BRWD1: variants seen among roughly 807,000 people sequenced by gnomAD.
BRWD1 encodes bromodomain and WD repeat-containing protein 1.
BRWD1 carries 82 observed loss-of-function variants against 251.2 expected under a neutral mutation model. That is an observed-to-expected ratio of 0.33 (90% CI 0.27 to 0.39). BRWD1 has a LOEUF of 0.39. Among genes scored for constraint, BRWD1 ranks in the 10% least tolerant of loss-of-function variants. The pLI, the probability that BRWD1 is intolerant of heterozygous loss-of-function variation, is 1.00. For synonymous variants in BRWD1, 918 were observed against 902.8 expected (o/e 1.02, Z -0.30); for missense variants, 2,233 against 2,711.6 (o/e 0.82, Z 3.92).
chr21:39,243,610 AT>A (rs1019548671), intron 21 of BRWD1, among the ~76,000 whole-genome samples: 2 of 150,062 alleles, frequency 1.3e-5, no homozygotes, highest in African/African-American at 2.4e-5. Flanking sequence ...CACCCAGCTA[AT>A]TTTTTTTTTC....
In BRWD1 at chr21:39,196,979, G is replaced by A; in HGVS notation, c.6090C>T (p.His2030=). The part of the protein sequence containing the change: ...SEDMLNSEHK[H]RHTNIHKIDA... Reference sequence around the variant, plus strand: ...CTATTTTGTGAATATTGGTATGCCTGTGCTTGTGTTCTGAATTCAACATAT... The same window carrying A: ...CTATTTTGTGAATATTGGTATGCCTATGCTTGTGTTCTGAATTCAACATAT... The change falls in exon 41 of 41, where the codon CAC becomes CAT. Residue 2030 remains histidine (H), a synonymous_variant. Transcript: ENST00000342449. The A allele has an allele frequency of 6.2e-7, 1 of 1,614,042 alleles. No homozygotes were observed. Among genetic ancestry groups the A allele is most frequent in the Non-Finnish European group, 8.5e-7 (1 of 1,179,950 alleles).
chr21:39,215,182 T>C (rs534265770), intron 32 of BRWD1, 55 bp downstream of exon 32: 29 of 1,576,462 alleles, frequency 1.8e-5, no homozygotes, highest in Middle Eastern at 3.7e-4. Context: ...AACTAGATGA[T>C]TGTTAATAGC....
intron 8 of BRWD1, among the ~76,000 whole-genome samples, chr21:39,285,140 G>A (rs1419261007): frequency 1.3e-5 from 2 of 152,174 alleles, no homozygotes; most frequent in Non-Finnish European, 1.5e-5. Flanking sequence ...ACACAAAATG[G>A]AACATTATAA....
intron 8 of BRWD1, among the ~76,000 whole-genome samples, chr21:39,282,841 C>T (rs2035513908): frequency 1.3e-5 from 2 of 151,972 alleles, no homozygotes; most frequent in South Asian, 4.2e-4. Flanking sequence ...CGCCTGTAAT[C>T]CCAACTACTC....
chr21:39,224,934 G>C, intron 28 of BRWD1, 152 bp downstream of exon 28: 1 of 599,412 alleles, frequency 1.7e-6, no homozygotes. Flanking sequence ...ACAAAGAGTA[G>C]GTGCATGTCT....
chr21:39,255,088 G>T (rs1212912791), intron 19 of BRWD1, among the ~76,000 whole-genome samples: 1 of 152,026 alleles, frequency 6.6e-6, no homozygotes, highest in Non-Finnish European at 1.5e-5. Flanking sequence ...ATACTGAAAG[G>T]ACAAAAGTGG....
Position 39,189,403 on chromosome 21 carries a change from C to CTTTGAT in BRWD1, c.*6855_*6856insATCAAA. The CTTTGAT allele has an allele frequency of 1.0e-6, 1 of 973,654 alleles. No homozygotes were observed. Among genetic ancestry groups the CTTTGAT allele is most frequent in the Non-Finnish European group, 1.2e-6 (1 of 819,488 alleles). 60.3% of individuals were successfully genotyped at this position (973,654 alleles called of 1,614,324 possible). ...AGTACCTATACTGACAATTTAGGAA[C>CTTTGAT]CTAGTAAATACTAATTCTAACACAT... is the stretch of plus-strand genomic sequence containing the variant. On this transcript the variant is annotated 3_prime_UTR_variant, in exon 41 of 41. Transcript: ENST00000342449.
At chr21:39,238,790 T>G (rs1346215943) in intron 21 of BRWD1, among the ~76,000 whole-genome samples, 1 of 152,206 alleles carries the variant, frequency 6.6e-6, no homozygotes. Context: ...ATCCGTAAGA[T>G]TTAACACTAC....
intron 4 of BRWD1, among the ~76,000 whole-genome samples, chr21:39,304,646 A>T (rs965354276): frequency 5.3e-5 from 8 of 151,984 alleles, no homozygotes; most frequent in Non-Finnish European, 8.8e-5. Flanking sequence ...TGACCAAAAC[A>T]TCACTAAAAG....
At chr21:39,315,516 C>G (rs372214967), upstream of BRWD1, among the ~76,000 whole-genome samples, 1 of 151,970 alleles carries the variant, frequency 6.6e-6, no homozygotes, top group African/African-American at 2.4e-5. Context: ...CGCCTCTAGT[C>G]CCAGCTACTT....
At chr21:39,184,532 G>A (rs2031099653), downstream of BRWD1, 1 of 152,218 alleles carries the variant, frequency 6.6e-6, no homozygotes, top group Non-Finnish European at 1.5e-5. Context: ...CCTGCATTTT[G>A]TGACTTTGTC....
intron 8 of BRWD1, among the ~76,000 whole-genome samples, chr21:39,283,936 T>C (rs1236963538): frequency 6.6e-6 from 1 of 152,178 alleles, no homozygotes; most frequent in Non-Finnish European, 1.5e-5. Context: ...AAAGTCTTCT[T>C]TGGCCTAGGA....
intron 29 of BRWD1, among the ~76,000 whole-genome samples, chr21:39,222,328 G>A (rs1466572019): frequency 1.3e-5 from 2 of 152,160 alleles, no homozygotes; most frequent in Non-Finnish European, 2.9e-5. Context: ...TCCATACAAT[G>A]GAATATGATT....
intron 4 of BRWD1, among the ~76,000 whole-genome samples, chr21:39,302,059 C>T (rs1346284161): frequency 1.4e-5 from 2 of 142,496 alleles, no homozygotes; most frequent in African/African-American, 2.6e-5. Context: ...TGCTGGATCA[C>T]TGCAACCTCC....
chr21:39,274,271 C>G, intron 13 of BRWD1, 103 bp downstream of exon 13: 1 of 915,238 alleles, frequency 1.1e-6, no homozygotes, highest in Non-Finnish European at 1.7e-6. Flanking sequence ...CTATAATCCC[C>G]TCAACAAAAT....
chr21:39,302,987 A>G (rs1000270680), intron 4 of BRWD1, among the ~76,000 whole-genome samples: 2 of 150,992 alleles, frequency 1.3e-5, no homozygotes, highest in Admixed American at 1.3e-4. Context: ...TGAACCCAGG[A>G]GACAAAGGTT....
intron 19 of BRWD1, among the ~76,000 whole-genome samples, chr21:39,254,559 G>T (rs1568919914): frequency 1.3e-5 from 2 of 152,282 alleles, no homozygotes; most frequent in South Asian, 4.1e-4. Context: ...GTTGAATAAT[G>T]AAAAGGAATA....
At position 39,307,818 on chromosome 21, in the gene BRWD1, A is replaced by T. The variant is rs569857665; in HGVS notation, c.198+5023T>A. ...CATTTAATTTTCACAGTGGAACTCT[A>T]AAAGACCCTTCCATCCTGAGGGTAG... On this transcript the variant is annotated intron_variant, in intron 4 of 40. Transcript: ENST00000342449. Among the ~76,000 whole-genome samples the T allele has an allele frequency of 3.9e-5, 6 of 152,214 alleles. No homozygotes were observed. The East Asian group carries it at 7.7e-4, about 19-fold the overall frequency.
chr21:39,267,344 C>G (rs2034954568), intron 15 of BRWD1, among the ~76,000 whole-genome samples: 1 of 152,142 alleles, frequency 6.6e-6, no homozygotes, highest in Non-Finnish European at 1.5e-5. Flanking sequence ...GCCTGTAATC[C>G]CAGCACTTTG....
Sources: gnomAD v4.1 joint callset for allele counts (sites outside exome capture counted in the v4.1 genomes callset) on GRCh38, gnomAD v4.1.1 for gene constraint, MANE v1.5 for transcripts, NCBI Gene and HGNC (gene_info 2026-07-23, HGNC 2026-07-21) for gene names.